The following CNTNAP2 variants were observed in gnomAD, a reference collection of about 807,000 sequenced individuals.
CNTNAP2 encodes the protein contactin-associated protein-like 2.
A neutral mutation model predicts 155.2 loss-of-function variants in CNTNAP2; 98 were observed. The observed-to-expected ratio is 0.63, with a 90% CI of 0.54 to 0.75. The LOEUF (loss-of-function observed/expected upper bound fraction) is 0.75. Among genes scored for constraint, CNTNAP2 ranks in the 30% least tolerant of loss-of-function variants. The pLI, the probability that CNTNAP2 is intolerant of heterozygous loss-of-function variation, is 0.00. For missense variants in CNTNAP2, 1,727 were observed against 1,688.1 expected, an observed-to-expected ratio of 1.02 and a Z score of -0.40; for synonymous variants, 651 against 631.2, an observed-to-expected ratio of 1.03 and a Z score of -0.47.
intron 1 of CNTNAP2, among the ~76,000 whole-genome samples, chr7:146,345,415 C>G (rs749575516): frequency 6.6e-6 from 1 of 152,148 alleles, no homozygotes; most frequent in African/African-American, 2.4e-5. Flanking sequence ...CTGATAAGAC[C>G]GTTGAGGTCA....
intron 22 of CNTNAP2, among the ~76,000 whole-genome samples, chr7:148,384,386 C>CTTCT (rs1353674359): frequency 1.3e-5 from 2 of 152,190 alleles, no homozygotes; most frequent in African/African-American, 4.8e-5. Flanking sequence ...TTTAGTCCCA[C>CTTCT]TTCTTTGAGT....
intron 17 of CNTNAP2, among the ~76,000 whole-genome samples, chr7:148,161,930 A>G (rs1239261187): frequency 2.0e-5 from 3 of 152,024 alleles, no homozygotes; most frequent in Admixed American, 1.3e-4. Context: ...CTTTGCTTGG[A>G]TGGCTGACAT....
At position 147,017,626 on chromosome 7, in the gene CNTNAP2, T is replaced by C. The variant is rs547094392; in HGVS notation, c.403-26281T>C. The stretch of plus-strand genomic sequence containing the variant: ...ATAGGAAATAGTGAGTAAAGGACAG[T>C]AAACTGATTTATTTAGCGAGTAAAG... On this transcript the variant is annotated intron_variant, in intron 3 of 23. Coordinates refer to ENST00000361727, the MANE Select transcript of CNTNAP2 (RefSeq NM_014141.6). Among the ~76,000 whole-genome samples the C allele has an allele frequency of 2.0e-5, 3 of 152,172 alleles. No homozygotes were observed. In the South Asian group the frequency reaches 6.2e-4, roughly 32 times the overall value.
intron 1 of CNTNAP2, 126 bp from the exon 2 acceptor site, chr7:146,774,145 C>T (rs1270340134): frequency 1.4e-6 from 1 of 735,396 alleles, no homozygotes; most frequent in South Asian, 1.5e-5. Flanking sequence ...AATTCCTTTG[C>T]TAAATATTGT....
intron 2 of CNTNAP2, among the ~76,000 whole-genome samples, chr7:146,797,298 T>A (rs1353213286): frequency 6.6e-6 from 1 of 152,192 alleles, no homozygotes; most frequent in Non-Finnish European, 1.5e-5. Context: ...GTGCAAAGCA[T>A]TGAATTACAA....
intron 1 of CNTNAP2, among the ~76,000 whole-genome samples, chr7:146,711,842 A>G (rs1373134125): frequency 9.1e-6 from 1 of 110,098 alleles, no homozygotes; most frequent in Non-Finnish European, 1.7e-5. Flanking sequence ...CATCTTATGT[A>G]TACAATATAG....
intron 13 of CNTNAP2, among the ~76,000 whole-genome samples, chr7:147,756,512 C>A (rs1797215427): frequency 6.6e-6 from 1 of 151,962 alleles, no homozygotes; most frequent in African/African-American, 2.4e-5. Flanking sequence ...ATTAGGATAG[C>A]CGATGTTTTG....
intron 12 of CNTNAP2, 145 bp from the exon 13 acceptor site, chr7:147,638,961 G>T: frequency 3.7e-6 from 3 of 821,116 alleles, no homozygotes. Context: ...CAAAGAGCAG[G>T]GGGTTTTAAG....
chr7:147,859,847 G>A (rs1799106967), intron 13 of CNTNAP2, among the ~76,000 whole-genome samples: 1 of 152,130 alleles, frequency 6.6e-6, no homozygotes, highest in South Asian at 2.1e-4. Flanking sequence ...ATTAAGAAAT[G>A]AATTTTGTAC....
chr7:147,240,409 A>G (rs1803909496), intron 8 of CNTNAP2, among the ~76,000 whole-genome samples: 1 of 152,224 alleles, frequency 6.6e-6, no homozygotes, highest in South Asian at 2.1e-4. Context: ...TAAAATCTCA[A>G]TAAACAAGGT....
chr7:147,254,963 G>A (rs1200581589), intron 8 of CNTNAP2, among the ~76,000 whole-genome samples: 2 of 152,130 alleles, frequency 1.3e-5, no homozygotes, highest in Non-Finnish European at 2.9e-5. Context: ...ATGTAGAATT[G>A]CCTTTATTTC....
At chr7:147,506,661 G>A (rs1490951335) in intron 11 of CNTNAP2, among the ~76,000 whole-genome samples, 1 of 152,162 alleles carries the variant, frequency 6.6e-6, no homozygotes, top group East Asian at 1.9e-4. Context: ...TGTACTAAAT[G>A]TAGTTAGTTG....
Position 147,415,434 on chromosome 7 carries a change from C to T in CNTNAP2, c.1670+19654C>T, listed in dbSNP as rs144893405. 2.2e-4 allele frequency among the ~76,000 whole-genome samples: 34 copies of T among 152,244 alleles called. 1 individual carries two copies. Among genetic ancestry groups the T allele is most frequent in the African/African-American group, 7.9e-4 (33 of 41,532 alleles). On this transcript the variant is annotated intron_variant, in intron 10 of 23. Coordinates refer to ENST00000361727, the MANE Select transcript of CNTNAP2 (RefSeq NM_014141.6). Reference sequence around the variant, plus strand: ...AATTGAATCATGGGCATGGTTTCCCCCATGCTGTTCTTGATAGTGAGCTCT... The same window carrying T: ...AATTGAATCATGGGCATGGTTTCCCTCATGCTGTTCTTGATAGTGAGCTCT...
chr7:146,370,260 TAAAAAAAAAAAAAAAA>T (rs34996621), intron 1 of CNTNAP2, among the ~76,000 whole-genome samples: 5 of 87,598 alleles, frequency 5.7e-5, no homozygotes, highest in East Asian at 3.0e-4. Flanking sequence ...ATCTCTACTT[TAAAAAAAAAAAAAAAA>T]AAAAAAAAAA....
At chr7:147,645,366 T>C (rs999334867) in intron 13 of CNTNAP2, among the ~76,000 whole-genome samples, 1 of 152,180 alleles carries the variant, frequency 6.6e-6, no homozygotes, top group Admixed American at 6.5e-5. Flanking sequence ...TCAATTCCAA[T>C]AAAAGATTTT....
Position 147,775,308 on chromosome 7 carries a change from TAA to T in CNTNAP2, c.2099-128255_2099-128254del, listed in dbSNP as rs1224801172. On this transcript the variant is annotated intron_variant, in intron 13 of 23. Transcript: ENST00000361727. ...AAATATATATATTTATATATATTTA[TAA>T]ATATATATATATTTATATATATTTA... 4.3e-4 allele frequency among the ~76,000 whole-genome samples: 22 copies of T among 51,284 alleles called. No homozygotes were observed. In the South Asian group the frequency reaches 6.6e-3, roughly 15 times the overall value. 33.6% of individuals were successfully genotyped at this position (51,284 alleles called of 152,430 possible).
At chr7:148,307,749 C>T (rs77653809) in intron 21 of CNTNAP2, among the ~76,000 whole-genome samples, 1 of 152,134 alleles carries the variant, frequency 6.6e-6, no homozygotes, top group Non-Finnish European at 1.5e-5. Flanking sequence ...GGGCAGATCA[C>T]CTGAGTTCCG....
At chr7:147,619,175 G>A (rs1406768270) in intron 12 of CNTNAP2, among the ~76,000 whole-genome samples, 9 of 152,170 alleles carry the variant, frequency 5.9e-5, no homozygotes, top group Admixed American at 5.9e-4. Context: ...TCCAAAGACA[G>A]TATTTAAAAA....
At chr7:147,441,361 C>T (rs1157516314) in intron 10 of CNTNAP2, among the ~76,000 whole-genome samples, 3 of 152,046 alleles carry the variant, frequency 2.0e-5, no homozygotes, top group Admixed American at 1.3e-4. Context: ...AATTCCTTCT[C>T]TGTGTTATCT....
Sources: gnomAD v4.1 joint callset for allele counts (sites outside exome capture counted in the v4.1 genomes callset) on GRCh38, gnomAD v4.1.1 for gene constraint, MANE v1.5 for transcripts, NCBI Gene and HGNC (gene_info 2026-07-23, HGNC 2026-07-21) for gene names.